Variants in TMEM50B observed in about 807,000 individuals in gnomAD.
The protein encoded by TMEM50B is HCV p7-trans-regulated protein 3.
Under a neutral mutation model 23.4 loss-of-function variants are expected in TMEM50B, and 14 were observed. That is an observed-to-expected ratio of 0.60 (90% confidence interval 0.39 to 0.93). The LOEUF (loss-of-function observed/expected upper bound fraction) is 0.93. Ranked by LOEUF, TMEM50B falls within the 40% of genes least tolerant of loss-of-function variation. The pLI, the probability that TMEM50B is intolerant of heterozygous loss-of-function variation, is 0.00. For missense variants in TMEM50B, 159 were observed against 193.0 expected, an observed-to-expected ratio of 0.82 and a Z score of 1.04; for synonymous variants, 64 against 62.3, an observed-to-expected ratio of 1.03 and a Z score of -0.13.
Position 33,432,623 on chromosome 21 carries a change from A to T in TMEM50B, c.*2300T>A, listed in dbSNP as rs121913215. ...ACTTGCCCATTTTACTAGGACAGGA[A>T]TGCTCTTTAAGCAGCATGGATGGAA... On this transcript the variant is annotated 3_prime_UTR_variant and NMD_transcript_variant, in exon 9 of 9. Transcript: ENST00000420455. 1.4e-3 allele frequency: 1,986 copies of T among 1,411,940 alleles called. 2 individuals are homozygous for T. The highest frequency in any genetic ancestry group is 3.9e-3 in the Middle Eastern group (22 of 5,676). 87.5% of individuals were successfully genotyped at this position (1,411,940 alleles called of 1,614,324 possible).
chr21:33,439,774 G>A (rs2083992070), intron 7 of TMEM50B, among the ~76,000 whole-genome samples: 1 of 151,702 alleles, frequency 6.6e-6, no homozygotes, highest in African/African-American at 2.4e-5. Context: ...AAGGCCAGGC[G>A]CAGTGGCTCA....
Position 33,465,209 on chromosome 21 carries a change from T to C in TMEM50B, c.280+133A>G, listed in dbSNP as rs945311187. 3 of 586,214 alleles carry C rather than the reference T, an allele frequency of 5.1e-6. No individual in the cohort carries two copies. The African/African-American group carries it at 5.7e-5, about 11-fold the overall frequency. 36.3% of individuals were successfully genotyped at this position (586,214 alleles called of 1,614,324 possible). ...TAAGGATTTGAATAACACTAAAACT[T>C]TGTTTTAAAGCAAATAAAAAATATT... is the stretch of plus-strand genomic sequence containing the variant. On this transcript the variant is annotated intron_variant, in intron 4 of 6. Transcript: ENST00000542230.
chr21:33,453,693 G>A (rs913603619), intron 6 of TMEM50B, among the ~76,000 whole-genome samples: 4 of 152,062 alleles, frequency 2.6e-5, no homozygotes, highest in African/African-American at 9.7e-5. Flanking sequence ...TAAAACCAGT[G>A]ACAAAAGCAA....
chr21:33,477,253 C>T (rs1460286146), intron 1 of TMEM50B, among the ~76,000 whole-genome samples: 1 of 152,112 alleles, frequency 6.6e-6, no homozygotes, highest in Non-Finnish European at 1.5e-5. Flanking sequence ...AACCACTGCA[C>T]TCCAGCCTGG....
At chr21:33,465,546 C>T in intron 3 of TMEM50B, 137 bp from the exon 4 acceptor site, 1 of 615,290 alleles carries the variant, frequency 1.6e-6, no homozygotes, top group Non-Finnish European at 2.7e-6. Flanking sequence ...TATTTTTAAC[C>T]TAATAAAAAT....
At chr21:33,440,191 T>C (rs1287231323) in intron 7 of TMEM50B, among the ~76,000 whole-genome samples, 1 of 152,224 alleles carries the variant, frequency 6.6e-6, no homozygotes, top group Non-Finnish European at 1.5e-5. Flanking sequence ...GTGCTAAGAA[T>C]AGCTTTTACA....
chr21:33,433,358 C>A (rs2083909167), intron 8 of TMEM50B, among the ~76,000 whole-genome samples: 1 of 152,208 alleles, frequency 6.6e-6, no homozygotes, highest in Admixed American at 6.5e-5. Context: ...GGTGGAAGCA[C>A]TCCGGTGTCG....
intron 4 of TMEM50B, 52 bp from the exon 5 acceptor site, chr21:33,460,557 G>T: frequency 9.0e-7 from 1 of 1,116,880 alleles, no homozygotes; most frequent in Non-Finnish European, 1.3e-6. Context: ...GCTCTGTAAC[G>T]TCTTAGGAAT....
chr21:33,438,969 C>T (rs1214852058), intron 8 of TMEM50B, among the ~76,000 whole-genome samples: 1 of 152,004 alleles, frequency 6.6e-6, no homozygotes, highest in African/African-American at 2.4e-5. Flanking sequence ...ACCTCATGAT[C>T]CACCCACCTT....
downstream of TMEM50B, among the ~76,000 whole-genome samples, chr21:33,448,086 G>A (rs936690452): frequency 5.9e-5 from 9 of 151,642 alleles, no homozygotes; most frequent in African/African-American, 1.9e-4. Flanking sequence ...TCTGCCTCCC[G>A]GGTTCAAGCA....
At chr21:33,432,533 T>C (rs2083898983) in exon 9 of TMEM50B, 1 of 860,754 alleles carries the variant, frequency 1.2e-6, no homozygotes, top group Non-Finnish European at 1.9e-6. Flanking sequence ...ACTTGCTTTA[T>C]TTCATTACAG....
chr21:33,467,075 A>C lies in TMEM50B; in HGVS notation c.147T>G (p.Pro49=). The change falls in exon 3 of 7, where the codon CCT becomes CCG. Residue 49 remains proline (P), a synonymous_variant. Transcript: ENST00000542230. ...WIMIDAAVVY[P]KPEQLNHAFH... ...AGGCATGGTTCAACTGTTCTGGCTT[A>C]GGATACACCACAGCTGCATCAATCA... is the stretch of plus-strand genomic sequence containing the variant. 6 of 1,614,260 alleles carry C rather than the reference A, an allele frequency of 3.7e-6. No homozygotes were observed. The highest frequency in any genetic ancestry group is 5.1e-6 in the Non-Finnish European group (6 of 1,180,040).
At chr21:33,471,258 T>C (rs2084313009) in intron 1 of TMEM50B, among the ~76,000 whole-genome samples, 1 of 152,168 alleles carries the variant, frequency 6.6e-6, no homozygotes. Context: ...GATCAGCCAA[T>C]ATTTTAACTG....
intron 7 of TMEM50B, among the ~76,000 whole-genome samples, chr21:33,443,896 TTTTTTG>T (rs1196476130): frequency 4.9e-5 from 4 of 80,922 alleles, no homozygotes; most frequent in African/African-American, 7.7e-5. Context: ...TTTGTGGTTT[TTTTTTG>T]TTTGTTTGTT....
intron 4 of TMEM50B, among the ~76,000 whole-genome samples, chr21:33,461,741 G>A (rs2084218678): frequency 6.6e-6 from 1 of 151,610 alleles, no homozygotes; most frequent in African/African-American, 2.4e-5. Context: ...AGAGGCAGAG[G>A]TTGCAGTGAG....
chr21:33,432,853 C>G, intron 8 of TMEM50B: 1 of 1,613,076 alleles, frequency 6.2e-7, no homozygotes, highest in Non-Finnish European at 8.5e-7. Flanking sequence ...CACCAAGCAT[C>G]CCATTACAGA....
chr21:33,445,042 T>C (rs138725086), downstream of TMEM50B, among the ~76,000 whole-genome samples: 556 of 147,800 alleles, frequency 3.8e-3, 3 homozygotes, highest in African/African-American at 0.014. Context: ...GAGGATCGCT[T>C]GAGCCTGGGA....
intron 3 of TMEM50B, among the ~76,000 whole-genome samples, chr21:33,466,615 A>T (rs879345669): frequency 6.6e-5 from 10 of 152,210 alleles, no homozygotes; most frequent in Non-Finnish European, 1.5e-4. Context: ...GTTTTAAGAT[A>T]CACCATTAAT....
At chr21:33,447,826 T>C (rs959497459), downstream of TMEM50B, among the ~76,000 whole-genome samples, 1 of 151,938 alleles carries the variant, frequency 6.6e-6, no homozygotes, top group Non-Finnish European at 1.5e-5. Flanking sequence ...TCTGATAATA[T>C]TGGTCCACAC....
Sources: gnomAD v4.1 joint callset for allele counts (sites outside exome capture counted in the v4.1 genomes callset) on GRCh38, gnomAD v4.1.1 for gene constraint, MANE v1.5 for transcripts, NCBI Gene and HGNC (gene_info 2026-07-23, HGNC 2026-07-21) for gene names.